Variants in SLC6A5 observed in about 807,000 individuals in gnomAD.
The protein encoded by SLC6A5 is sodium- and chloride-dependent glycine transporter 2.
SLC6A5 carries 58 observed loss-of-function variants against 90.5 expected under a neutral mutation model. The observed-to-expected ratio is 0.64, with a 90% CI of 0.52 to 0.80. The LOEUF (loss-of-function observed/expected upper bound fraction) is 0.80, where lower values mean the gene tolerates loss of function less well. SLC6A5 is among the 30% of genes least tolerant of loss of function. SLC6A5 has a pLI of 0.00. For synonymous variants in SLC6A5, 427 were observed against 401.4 expected (o/e 1.06, Z -0.76); for missense variants, 1,015 against 1,017.6 (o/e 1.00, Z 0.03).
Position 20,637,276 on chromosome 11 carries a change from C to T in SLC6A5, c.1842C>T (p.Phe614=), listed in dbSNP as rs990123360. The part of the protein sequence containing the change: ...VFTLGCCICF[F]IMGFPMITQG... ...CTCTGGGCTGCTGCATTTGTTTCTT[C>T]ATCATGGGTTTTCCAATGATCACTC... The change falls in exon 12 of 16, where the codon TTC becomes TTT. Residue 614 remains phenylalanine (F), a synonymous_variant. Transcript: ENST00000525748. 1.9e-6 allele frequency: 3 copies of T among 1,592,336 alleles called. No homozygotes were observed. The highest frequency in any genetic ancestry group is 1.7e-6 in the Non-Finnish European group (2 of 1,165,864).
rs1852529486 is a variant in SLC6A5, at chr11:20,604,147, T to C, written c.541-139T>C. 10 of 1,037,720 alleles carry C rather than the reference T, an allele frequency of 9.6e-6. No homozygotes were observed. The South Asian group carries it at 1.6e-4, about 17-fold the overall frequency. The allele number at this position is 1,037,720 out of a possible 1,614,324, so 64.3% of individuals were successfully genotyped here. On this transcript the variant is annotated intron_variant, in intron 2 of 15. Transcript: ENST00000525748. The stretch of plus-strand genomic sequence containing the variant: ...ATGCATCCTTTCTTTAGATTTGGGG[T>C]CCTGCTTGCTGATGCATCCTCGGTT...
intron 5 of SLC6A5, among the ~76,000 whole-genome samples, chr11:20,608,494 A>C (rs1419750714): frequency 6.6e-6 from 1 of 152,220 alleles, no homozygotes; most frequent in East Asian, 1.9e-4. Context: ...AGAAATAAAA[A>C]TGTTCTTCCT....
intron 3 of SLC6A5, among the ~76,000 whole-genome samples, chr11:20,606,722 AG>A (rs1016439737): frequency 2.6e-5 from 4 of 152,180 alleles, no homozygotes; most frequent in Admixed American, 1.3e-4. Flanking sequence ...TAATAAAAAA[AG>A]AAAATAATAA....
Position 20,656,920 on chromosome 11 carries a change from G to C in SLC6A5, c.*2052G>C, listed in dbSNP as rs149849984. ...GCCCCCAATTACTGCAGCAGACGTC[G>C]CACAATGGTACCAAAAATGAGCCTC... On this transcript the variant is annotated 3_prime_UTR_variant, in exon 16 of 16. Transcript: ENST00000525748. 2.0e-5 allele frequency: 3 copies of C among 152,150 alleles called. No homozygotes were observed. Among genetic ancestry groups the C allele is most frequent in the Non-Finnish European group, 4.4e-5 (3 of 68,046 alleles). The allele number at this position is 152,150 out of a possible 1,614,324, so 9.4% of individuals were successfully genotyped here.
chr11:20,649,762 A>G (rs533797963), intron 14 of SLC6A5, among the ~76,000 whole-genome samples: 2 of 152,230 alleles, frequency 1.3e-5, no homozygotes, highest in Non-Finnish European at 2.9e-5. Context: ...ATGCATGCAC[A>G]TAAGCAGATG....
intron 9 of SLC6A5, 50 bp downstream of exon 9, chr11:20,628,133 A>C: frequency 7.2e-7 from 1 of 1,383,380 alleles, no homozygotes; most frequent in Non-Finnish European, 1.0e-6. Flanking sequence ...GTGGGACAGA[A>C]GAATGGACTG....
Position 20,657,884 on chromosome 11 carries a change from T to G in SLC6A5, c.*3016T>G, listed in dbSNP as rs1853656578. Reference sequence around the variant, plus strand: ...GTAACTTTTATTATCTTTAGGACTGTGCTTATCAGGTACAAATGTGTCTAG... The same window carrying G: ...GTAACTTTTATTATCTTTAGGACTGGGCTTATCAGGTACAAATGTGTCTAG... On this transcript the variant is annotated 3_prime_UTR_variant, in exon 16 of 16. Coordinates refer to ENST00000525748, the MANE Select transcript of SLC6A5 (RefSeq NM_004211.5). The G allele has an allele frequency of 6.6e-6, 1 of 152,258 alleles. No homozygotes were observed. The highest frequency in any genetic ancestry group is 2.4e-5 in the African/African-American group (1 of 41,464). 9.4% of individuals were successfully genotyped at this position (152,258 alleles called of 1,614,324 possible).
Position 20,607,128 on chromosome 11 carries a change from A to T in SLC6A5, c.801A>T (p.Pro267=). 1 of 1,613,728 alleles carries T rather than the reference A, an allele frequency of 6.2e-7. No homozygotes were observed. Among genetic ancestry groups the T allele is most frequent in the Non-Finnish European group, 8.5e-7 (1 of 1,179,882 alleles). The part of the protein sequence containing the change: ...QGPVSVWKAI[P]ALQGCGIAML... Reference sequence around the variant, plus strand: ...CAGTGTCTGTGTGGAAGGCCATCCCAGCTCTACAAGGTGAGTCCAGCCTGC... The same window carrying T: ...CAGTGTCTGTGTGGAAGGCCATCCCTGCTCTACAAGGTGAGTCCAGCCTGC... The change falls in exon 4 of 16, where the codon CCA becomes CCT. Residue 267 remains proline, a synonymous_variant. Coordinates refer to ENST00000525748, the MANE Select transcript of SLC6A5 (RefSeq NM_004211.5).
At chr11:20,626,924 C>A in intron 8 of SLC6A5, 82 bp downstream of exon 8, 1 of 1,123,026 alleles carries the variant, frequency 8.9e-7, no homozygotes, top group Non-Finnish European at 1.4e-6. Context: ...AGACTTCCTC[C>A]TCCAGGGAAT....
chr11:20,616,067 G>A (rs1434839502), intron 6 of SLC6A5, among the ~76,000 whole-genome samples: 1 of 152,186 alleles, frequency 6.6e-6, no homozygotes, highest in African/African-American at 2.4e-5. Context: ...AAATCAATGA[G>A]CCTCCAGTTT....
At chr11:20,638,597 G>C (rs1853255443) in intron 13 of SLC6A5, 39 bp downstream of exon 13, 1 of 1,244,764 alleles carries the variant, frequency 8.0e-7, no homozygotes, top group African/African-American at 1.5e-5. Context: ...AGTAGAGCTT[G>C]AGTGTCGGTA....
At chr11:20,633,932 T>C (rs4317982) in intron 10 of SLC6A5, among the ~76,000 whole-genome samples, 20,475 of 152,104 alleles carry the variant, frequency 0.13, 1,491 homozygotes, top group African/African-American at 0.18. Flanking sequence ...AGTGCAGTGG[T>C]GCCATCTTGG....
At chr11:20,653,091 G>T (rs955837920) in intron 15 of SLC6A5, among the ~76,000 whole-genome samples, 2 of 152,182 alleles carry the variant, frequency 1.3e-5, no homozygotes, top group Admixed American at 6.5e-5. Flanking sequence ...ATGGGAAGGG[G>T]ACTGCCTCTT....
At chr11:20,626,105 C>T (rs11025660) in intron 7 of SLC6A5, among the ~76,000 whole-genome samples, 18,081 of 152,234 alleles carry the variant, frequency 0.12, 1,242 homozygotes, top group East Asian at 0.21. Context: ...TGAATCCTCA[C>T]GATTATCTGT....
rs1221794881 is a variant in SLC6A5, at chr11:20,655,734, G to A, written c.*866G>A. ...ACGATCCTGTGTTTCTTCTCTAAATGTCTTTCTATAAGCTGTAGACACCTT... is the reference window on the plus strand; with the variant it reads ...ACGATCCTGTGTTTCTTCTCTAAATATCTTTCTATAAGCTGTAGACACCTT... On this transcript the variant is annotated 3_prime_UTR_variant, in exon 16 of 16. Coordinates refer to ENST00000525748, the MANE Select transcript of SLC6A5 (RefSeq NM_004211.5). 6.6e-6 allele frequency: 1 copy of A among 152,134 alleles called. No homozygotes were observed. The highest frequency in any genetic ancestry group is 2.4e-5 in the African/African-American group (1 of 41,420). 9.4% of individuals were successfully genotyped at this position (152,134 alleles called of 1,614,324 possible).
intron 13 of SLC6A5, among the ~76,000 whole-genome samples, chr11:20,644,352 C>T (rs1853369655): frequency 6.6e-6 from 1 of 152,130 alleles, no homozygotes; most frequent in Non-Finnish European, 1.5e-5. Flanking sequence ...CTTTCTGTGC[C>T]TGGCTTATTT....
At chr11:20,639,101 T>C (rs146504637) in intron 13 of SLC6A5, among the ~76,000 whole-genome samples, 55 of 152,214 alleles carry the variant, frequency 3.6e-4, no homozygotes, top group Non-Finnish European at 6.0e-4. Flanking sequence ...CTTCCTACTG[T>C]CACAATAGCA....
intron 13 of SLC6A5, 25 bp from the exon 14 acceptor site, chr11:20,646,809 C>G (rs1486661777): frequency 6.6e-7 from 1 of 1,525,594 alleles, no homozygotes; most frequent in Admixed American, 1.7e-5. Flanking sequence ...TGCCTTATAC[C>G]TGTTCTCTGC....
At chr11:20,623,989 C>T (rs945561152) in intron 7 of SLC6A5, among the ~76,000 whole-genome samples, 2 of 152,030 alleles carry the variant, frequency 1.3e-5, no homozygotes, top group Non-Finnish European at 2.9e-5. Flanking sequence ...ACTCTCTCCC[C>T]AGCTAGAATG....
Sources: gnomAD v4.1 joint callset for allele counts (sites outside exome capture counted in the v4.1 genomes callset) on GRCh38, gnomAD v4.1.1 for gene constraint, MANE v1.5 for transcripts, NCBI Gene and HGNC (gene_info 2026-07-23, HGNC 2026-07-21) for gene names.